PTPRD: variants seen among roughly 807,000 people sequenced by gnomAD.
PTPRD encodes receptor-type tyrosine-protein phosphatase delta.
PTPRD carries 34 observed loss-of-function variants against 214.5 expected under a neutral mutation model. That is an observed-to-expected ratio of 0.16 (90% CI 0.12 to 0.21). PTPRD has a LOEUF of 0.21. Among genes scored for constraint, PTPRD ranks in the 10% least tolerant of loss-of-function variants. The pLI, the probability that PTPRD is intolerant of heterozygous loss-of-function variation, is 1.00. For synonymous variants in PTPRD, 1,128 were observed against 845.7 expected, an observed-to-expected ratio of 1.33 and a Z score of -5.79; for missense variants, 2,545 against 2,398.7, an observed-to-expected ratio of 1.06 and a Z score of -1.27.
intron 14 of PTPRD, among the ~76,000 whole-genome samples, chr9:8,580,305 A>C (rs1425023600): frequency 6.6e-6 from 1 of 152,214 alleles, no homozygotes; most frequent in African/African-American, 2.4e-5. Context: ...ATGACTCTAA[A>C]ACATTGAAGC....
intron 33 of PTPRD, among the ~76,000 whole-genome samples, chr9:8,452,658 A>G (rs539873970): frequency 6.6e-6 from 1 of 152,310 alleles, no homozygotes; most frequent in South Asian, 2.1e-4. Flanking sequence ...AGAACTATCT[A>G]CTATGTGGAG....
At chr9:10,380,423 T>G (rs745316959) in intron 2 of PTPRD, among the ~76,000 whole-genome samples, 4 of 152,048 alleles carry the variant, frequency 2.6e-5, no homozygotes, top group Non-Finnish European at 5.9e-5. Flanking sequence ...TTGTATCTTT[T>G]GAAATTTTAG....
intron 2 of PTPRD, among the ~76,000 whole-genome samples, chr9:10,600,216 T>C (rs370856202): frequency 6.6e-6 from 1 of 151,766 alleles, no homozygotes; most frequent in African/African-American, 2.4e-5. Context: ...AGATCTTTTT[T>C]AATTGGTAAT....
At chr9:10,543,328 C>G (rs760390336) in intron 2 of PTPRD, among the ~76,000 whole-genome samples, 2 of 151,942 alleles carry the variant, frequency 1.3e-5, no homozygotes, top group Non-Finnish European at 2.9e-5. Context: ...TTCGGAGACA[C>G]CTTTATAACA....
intron 12 of PTPRD, among the ~76,000 whole-genome samples, chr9:8,684,918 T>C (rs1270292213): frequency 6.6e-6 from 1 of 152,062 alleles, no homozygotes; most frequent in African/African-American, 2.4e-5. Context: ...AACTTCACAA[T>C]CCTAGAGAGA....
At chr9:9,274,703 C>T (rs114796465) in intron 9 of PTPRD, among the ~76,000 whole-genome samples, 1,934 of 151,152 alleles carry the variant, frequency 0.013, 44 homozygotes, top group African/African-American at 0.044. Flanking sequence ...ACAATTTGTG[C>T]AAGTAGAATA....
rs1373868777 is a variant in PTPRD at position 9,988,036 on chromosome 9, C to T, written c.-472+45682G>A. On this transcript the variant is annotated intron_variant, in intron 4 of 45. Transcript: ENST00000381196. ...AGATATCAATAACAAAGAATTTATG[C>T]ACTTGTCTGCTTTTAAACAGGTGTC... Among the ~76,000 whole-genome samples, 3 of 152,176 alleles carry T rather than the reference C, an allele frequency of 2.0e-5. No individual in the cohort carries two copies. The East Asian group carries it at 5.8e-4, about 29-fold the overall frequency.
rs568941964 is a variant in PTPRD, at chr9:8,841,044, C to A, written c.-103-107098G>T. On this transcript the variant is annotated intron_variant, in intron 11 of 45. Coordinates refer to ENST00000381196, the MANE Select transcript of PTPRD (RefSeq NM_002839.4). ...CCTGGAGTGCTGTAAGCCATGGCTA[C>A]AGAGTGGTGAGGATGAGAAGATGGA... Among the ~76,000 whole-genome samples, 47 of 152,098 alleles carry A rather than the reference C, an allele frequency of 3.1e-4. 1 individual carries two copies. The highest frequency in any genetic ancestry group is 4.7e-4 in the Non-Finnish European group (32 of 68,018).
chr9:9,787,219 TA>T lies in PTPRD; in HGVS notation c.-367-20369del, dbSNP rs199780885. Among the ~76,000 whole-genome samples, 119 of 146,806 alleles carry T rather than the reference TA, an allele frequency of 8.1e-4. 2 individuals carry two copies. Among genetic ancestry groups the T allele is most frequent in the Admixed American group, 9.6e-4 (14 of 14,634 alleles). On this transcript the variant is annotated intron_variant, in intron 5 of 45. Coordinates refer to ENST00000381196, the MANE Select transcript of PTPRD (RefSeq NM_002839.4). ...AACTAGATTTTATAAAATATTTCAT[TA>T]AAAAAAAAAGAACAAACAGTACTAC...
chr9:8,933,534 G>A (rs889915924), intron 11 of PTPRD, among the ~76,000 whole-genome samples: 5 of 151,832 alleles, frequency 3.3e-5, no homozygotes, highest in Non-Finnish European at 7.4e-5. Flanking sequence ...AGAATGACTT[G>A]AATCAGTTTT....
At chr9:9,237,066 T>C (rs966658885) in intron 9 of PTPRD, among the ~76,000 whole-genome samples, 1 of 152,182 alleles carries the variant, frequency 6.6e-6, no homozygotes, top group African/African-American at 2.4e-5. Flanking sequence ...TGGAACTGTA[T>C]ACTCAGAAGG....
chr9:9,632,096 A>G (rs2095613379), intron 7 of PTPRD, among the ~76,000 whole-genome samples: 1 of 152,226 alleles, frequency 6.6e-6, no homozygotes, highest in Admixed American at 6.5e-5. Flanking sequence ...GAAAACTTGT[A>G]TGTGTACATT....
At chr9:9,026,617 C>A (rs959097684) in intron 10 of PTPRD, among the ~76,000 whole-genome samples, 2 of 151,842 alleles carry the variant, frequency 1.3e-5, no homozygotes, top group Admixed American at 6.6e-5. Context: ...TCTTTTAAGC[C>A]CGAAGTTCAT....
At chr9:9,454,538 T>C (rs1588891602) in intron 8 of PTPRD, among the ~76,000 whole-genome samples, 2 of 151,784 alleles carry the variant, frequency 1.3e-5, no homozygotes, top group Admixed American at 1.3e-4. Flanking sequence ...GAAATTCAAG[T>C]GTTCCCATTA....
intron 8 of PTPRD, among the ~76,000 whole-genome samples, chr9:9,491,889 G>C (rs1354835750): frequency 3.3e-5 from 5 of 151,866 alleles, no homozygotes; most frequent in African/African-American, 1.2e-4. Context: ...GATGGAAACA[G>C]TAAAGAGCAG....
chr9:9,500,434 G>A (rs960295398), intron 8 of PTPRD, among the ~76,000 whole-genome samples: 1 of 152,050 alleles, frequency 6.6e-6, no homozygotes, highest in Non-Finnish European at 1.5e-5. Context: ...GTACAGGAAG[G>A]TACAGCTAAA....
At chr9:10,310,420 A>G (rs1462054182) in intron 3 of PTPRD, among the ~76,000 whole-genome samples, 3 of 152,098 alleles carry the variant, frequency 2.0e-5, no homozygotes, top group Non-Finnish European at 4.4e-5. Context: ...CGTTATCATT[A>G]TTAGTCATGC....
intron 2 of PTPRD, among the ~76,000 whole-genome samples, chr9:10,541,228 A>G (rs1434387629): frequency 1.3e-5 from 2 of 152,210 alleles, no homozygotes; most frequent in African/African-American, 4.8e-5. Context: ...GAAGGATTGT[A>G]ACATCAATCT....
chr9:10,268,464 G>C (rs1178394574), intron 3 of PTPRD, among the ~76,000 whole-genome samples: 1 of 151,950 alleles, frequency 6.6e-6, no homozygotes, highest in East Asian at 1.9e-4. Flanking sequence ...CGATTCCTTT[G>C]ACCTCAAAAA....
Sources: allele counts gnomAD v4.1 joint callset (sites outside exome capture counted in the v4.1 genomes callset), GRCh38; gene constraint gnomAD v4.1.1; transcripts MANE v1.5; gene names NCBI Gene and HGNC (gene_info 2026-07-23, HGNC 2026-07-21).